Variants in ITGB8 observed in about 807,000 individuals in gnomAD.
ITGB8 encodes the protein integrin beta-8.
In ITGB8, 30 loss-of-function variants were observed where a neutral mutation model predicts 89.5. The ratio of observed to expected loss-of-function variants is 0.34; its 90% CI spans 0.25 to 0.45. The LOEUF is 0.45. ITGB8 is among the 20% of genes least tolerant of loss of function. ITGB8 has a pLI of 1.00. For synonymous variants in ITGB8, 335 were observed against 320.4 expected (o/e 1.05, Z -0.49); for missense variants, 836 against 933.3 (o/e 0.90, Z 1.36).
At chr7:20,393,996 T>C (rs1786969863) in intron 7 of ITGB8, among the ~76,000 whole-genome samples, 1 of 152,188 alleles carries the variant, frequency 6.6e-6, no homozygotes, top group Non-Finnish European at 1.5e-5. Flanking sequence ...GTGGAAACTA[T>C]GTGACCTAGT....
intron 1 of ITGB8, among the ~76,000 whole-genome samples, chr7:20,360,394 G>C (rs1296968774): frequency 1.6e-5 from 2 of 127,186 alleles, no homozygotes; most frequent in Non-Finnish European, 3.2e-5. Flanking sequence ...AGTGGTTTTT[G>C]ATTACGTGGA....
At chr7:20,390,842 C>A (rs1428492149) in intron 6 of ITGB8, among the ~76,000 whole-genome samples, 1 of 151,948 alleles carries the variant, frequency 6.6e-6, no homozygotes, top group Non-Finnish European at 1.5e-5. Flanking sequence ...AAACCTAGGA[C>A]TTGAGTAGAG....
intron 1 of ITGB8, among the ~76,000 whole-genome samples, chr7:20,342,973 G>A (rs1182727482): frequency 3.9e-5 from 6 of 152,200 alleles, no homozygotes; most frequent in African/African-American, 1.4e-4. Context: ...CATGGTGAGG[G>A]TGTAATTCCT....
At chr7:20,400,963 G>T (rs1440620255) in intron 9 of ITGB8, among the ~76,000 whole-genome samples, 1 of 151,956 alleles carries the variant, frequency 6.6e-6, no homozygotes, top group Non-Finnish European at 1.5e-5. Flanking sequence ...TTATCTCAGG[G>T]TTTTGATTTT....
intron 3 of ITGB8, among the ~76,000 whole-genome samples, chr7:20,376,887 C>T (rs1390005385): frequency 1.3e-5 from 2 of 152,328 alleles, no homozygotes; most frequent in East Asian, 1.9e-4. Context: ...CTCCGGTATA[C>T]GTGCTAAGGC....
Position 20,404,937 on chromosome 7 carries a change from G to A in ITGB8, c.1913+84G>A, listed in dbSNP as rs188926788. 1,403 of 1,158,080 alleles carry A rather than the reference G, an allele frequency of 1.2e-3. 4 individuals are homozygous for A. The highest frequency in any genetic ancestry group is 1.4e-3 in the Non-Finnish European group (1,065 of 771,736). 71.7% of individuals were successfully genotyped at this position (1,158,080 alleles called of 1,614,324 possible). ...TCTGACTTCCTTAATCTTAAACGTT[G>A]CCAGATACATTGTGACCACCATGCT... On this transcript the variant is annotated intron_variant, in intron 11 of 13. Transcript: ENST00000222573.
In ITGB8 at chr7:20,411,136, T is replaced by TA. The variant is rs1431172601; in HGVS notation, c.*1140dup. ...CAAAATTGGAGAATAGATGATATCTTAGAAATAAGCTTTTTTTTTTTTTTT... is the reference window on the plus strand; with the variant it reads ...CAAAATTGGAGAATAGATGATATCTTAAGAAATAAGCTTTTTTTTTTTTTTT... On this transcript the variant is annotated 3_prime_UTR_variant, in exon 14 of 14. Coordinates refer to ENST00000222573, the MANE Select transcript of ITGB8 (RefSeq NM_002214.3). The TA allele has an allele frequency of 1.3e-5, 2 of 151,920 alleles. No individual in the cohort carries two copies. Among genetic ancestry groups the TA allele is most frequent in the Non-Finnish European group, 2.9e-5 (2 of 68,974 alleles). The allele number at this position is 151,920 out of a possible 1,614,324, so 9.4% of individuals were successfully genotyped here. A position where few individuals can be genotyped will look rare whatever the true frequency, so the allele number is the denominator to read the frequency against.
At chr7:20,345,359 T>C (rs567271567) in intron 1 of ITGB8, among the ~76,000 whole-genome samples, 4 of 149,048 alleles carry the variant, frequency 2.7e-5, no homozygotes, top group Non-Finnish European at 4.4e-5. Flanking sequence ...CTTGTCCTCA[T>C]AAGTCTTATA....
At chr7:20,357,084 A>C (rs1312444418) in intron 1 of ITGB8, among the ~76,000 whole-genome samples, 6 of 152,152 alleles carry the variant, frequency 3.9e-5, no homozygotes, top group African/African-American at 1.4e-4. Context: ...TATAGGGGTC[A>C]TTTCACATAT....
At chr7:20,379,823 T>G (rs1223301546) in intron 4 of ITGB8, 1 of 152,242 alleles carries the variant, frequency 6.6e-6, no homozygotes, top group Non-Finnish European at 1.5e-5. Flanking sequence ...AGAATTTGAT[T>G]GCTTAGAAAG....
chr7:20,342,704 G>A (rs934456220), intron 1 of ITGB8, among the ~76,000 whole-genome samples: 2 of 151,262 alleles, frequency 1.3e-5, no homozygotes, highest in Non-Finnish European at 2.9e-5. Context: ...AATTATTGGT[G>A]TGCAAAAGTG....
intron 1 of ITGB8, among the ~76,000 whole-genome samples, chr7:20,348,434 C>A (rs1218891769): frequency 1.3e-5 from 2 of 152,214 alleles, no homozygotes; most frequent in Non-Finnish European, 2.9e-5. Flanking sequence ...GAATCAGTAG[C>A]CTGCCTTCTG....
intron 8 of ITGB8, among the ~76,000 whole-genome samples, chr7:20,398,455 A>G (rs1350358348): frequency 2.6e-5 from 4 of 152,220 alleles, no homozygotes; most frequent in Non-Finnish European, 5.9e-5. Context: ...TGGCAGAAGC[A>G]TTTTCCACAT....
At chr7:20,336,569 A>C (rs890235130) in intron 1 of ITGB8, among the ~76,000 whole-genome samples, 1 of 152,248 alleles carries the variant, frequency 6.6e-6, no homozygotes, top group Non-Finnish European at 1.5e-5. Context: ...TCTAGTAAGT[A>C]GGAGAGATGG....
chr7:20,399,351 T>C (rs17365498), intron 9 of ITGB8, among the ~76,000 whole-genome samples: 103,396 of 152,056 alleles, frequency 0.68, 36,211 homozygotes, highest in East Asian at 0.99. Flanking sequence ...AATGCCTTTT[T>C]GATTTCATAT....
intron 7 of ITGB8, 34 bp downstream of exon 7, chr7:20,391,532 T>C (rs767836938): frequency 5.7e-5 from 67 of 1,168,000 alleles, no homozygotes; most frequent in Non-Finnish European, 7.2e-5. Context: ...AAATTAAATT[T>C]TTTTCATTGG....
intron 1 of ITGB8, among the ~76,000 whole-genome samples, chr7:20,347,946 G>T (rs1374689884): frequency 6.6e-6 from 1 of 152,336 alleles, no homozygotes; most frequent in African/African-American, 2.4e-5. Context: ...TTTAAACATT[G>T]CTAAGTGCTA....
intron 1 of ITGB8, among the ~76,000 whole-genome samples, chr7:20,363,268 T>C (rs1785571770): frequency 6.6e-6 from 1 of 152,210 alleles, no homozygotes; most frequent in Non-Finnish European, 1.5e-5. Flanking sequence ...AGCACCTATT[T>C]GTTTCAGAGA....
chr7:20,380,619 C>T (rs1268236179), intron 4 of ITGB8, 47 bp from the exon 5 acceptor site: 1 of 1,501,554 alleles, frequency 6.7e-7, no homozygotes, highest in South Asian at 1.1e-5. Flanking sequence ...TTCCAGAATG[C>T]TTAAGAAGAG....
Sources: allele counts gnomAD v4.1 joint callset (sites outside exome capture counted in the v4.1 genomes callset), GRCh38; gene constraint gnomAD v4.1.1; transcripts MANE v1.5; gene names NCBI Gene and HGNC (gene_info 2026-07-23, HGNC 2026-07-21).